TTLL11: variants seen among roughly 807,000 people sequenced by gnomAD.
The protein encoded by TTLL11 is tubulin polyglutamylase TTLL11.
In TTLL11, 42 loss-of-function variants were observed where a neutral mutation model predicts 51.7. That is an observed-to-expected ratio of 0.81 (90% CI 0.64 to 1.05). The LOEUF is 1.05. Ranked by LOEUF, TTLL11 falls within the 50% of genes least tolerant of loss-of-function variation. The probability of loss-of-function intolerance (pLI) is 0.00; values close to 1 mark genes in which losing one functional copy is unlikely to be tolerated. For missense variants in TTLL11, 799 were observed against 940.4 expected, an observed-to-expected ratio of 0.85 and a Z score of 1.97; for synonymous variants, 381 against 383.5, an observed-to-expected ratio of 0.99 and a Z score of 0.08.
At chr9:122,014,060 G>A (rs1488888174) in intron 3 of TTLL11, among the ~76,000 whole-genome samples, 3 of 152,194 alleles carry the variant, frequency 2.0e-5, no homozygotes, top group Non-Finnish European at 4.4e-5. Flanking sequence ...TCAGTGAAAA[G>A]GTAGAGTCCT....
rs540642323 is a variant in TTLL11 at position 121,949,758 on chromosome 9, C to T, written c.1481+24251G>A. On this transcript the variant is annotated intron_variant, in intron 6 of 8. Transcript: ENST00000321582. Reference sequence around the variant, plus strand: ...TTATGAGAAAGTTTTTGCAAATATTCATTAAAAAATCTGCCTTCTGCAAAA... The same window carrying T: ...TTATGAGAAAGTTTTTGCAAATATTTATTAAAAAATCTGCCTTCTGCAAAA... Among the ~76,000 whole-genome samples, 28 of 152,148 alleles carry T rather than the reference C, an allele frequency of 1.8e-4. No individual in the cohort carries two copies. In the South Asian group the frequency reaches 5.4e-3, roughly 29 times the overall value.
chr9:121,972,468 G>C (rs887090456), intron 6 of TTLL11, among the ~76,000 whole-genome samples: 1 of 152,320 alleles, frequency 6.6e-6, no homozygotes, highest in Non-Finnish European at 1.5e-5. Flanking sequence ...AGCACTGATC[G>C]GTGGAAGAAG....
At chr9:121,986,265 A>C (rs933105194) in intron 4 of TTLL11, among the ~76,000 whole-genome samples, 1 of 152,178 alleles carries the variant, frequency 6.6e-6, no homozygotes, top group Non-Finnish European at 1.5e-5. Context: ...ATAGCAAGAC[A>C]TGCAGCAAAA....
At chr9:122,019,868 G>A (rs1446788313) in intron 3 of TTLL11, among the ~76,000 whole-genome samples, 5 of 152,220 alleles carry the variant, frequency 3.3e-5, no homozygotes, top group Non-Finnish European at 5.9e-5. Flanking sequence ...TCTCATGGTA[G>A]TGAATAAGTC....
chr9:121,898,171 GC>G (rs748750392), intron 6 of TTLL11, among the ~76,000 whole-genome samples: 7 of 152,020 alleles, frequency 4.6e-5, no homozygotes, highest in Admixed American at 1.3e-4. Flanking sequence ...GCCTCAGCCT[GC>G]CAAAGTGCTG....
chr9:121,840,287 C>A (rs116478693), intron 8 of TTLL11, among the ~76,000 whole-genome samples: 1,870 of 152,322 alleles, frequency 0.012, 45 homozygotes, highest in African/African-American at 0.043. Context: ...CTTGGGACCA[C>A]CACGTATCCT....
Position 121,826,557 on chromosome 9 carries a change from G to GTGTGTATATATATATA in TTLL11, c.1841-3679_1841-3678insTATATATATATACACA, listed in dbSNP as rs1189626793. On this transcript the variant is annotated intron_variant, in intron 8 of 8. Transcript: ENST00000321582. ...TGTGTGTATATATATATATGTGTGTGTATATATATATATATATATATATAT... is the reference window on the plus strand; with the variant it reads ...TGTGTGTATATATATATATGTGTGTGTGTGTATATATATATATATATATATATATATATATATATAT... 8.8e-4 allele frequency among the ~76,000 whole-genome samples: 45 copies of GTGTGTATATATATATA among 51,342 alleles called. 2 individuals carry two copies. Among genetic ancestry groups the GTGTGTATATATATATA allele is most frequent in the African/African-American group, 2.8e-3 (40 of 14,198 alleles). 33.7% of individuals were successfully genotyped at this position (51,342 alleles called of 152,430 possible).
At chr9:121,923,333 C>T (rs1484083077) in intron 6 of TTLL11, among the ~76,000 whole-genome samples, 1 of 152,176 alleles carries the variant, frequency 6.6e-6, no homozygotes, top group East Asian at 1.9e-4. Context: ...ACTCGAATAG[C>T]TTGTACGTTA....
intron 6 of TTLL11, among the ~76,000 whole-genome samples, chr9:121,892,516 G>A (rs530946567): frequency 6.6e-6 from 1 of 152,232 alleles, no homozygotes; most frequent in South Asian, 2.1e-4. Flanking sequence ...CTGTATGGGG[G>A]AAACCGCCTC....
intron 6 of TTLL11, among the ~76,000 whole-genome samples, chr9:121,964,926 A>C (rs1842357446): frequency 6.6e-6 from 1 of 152,178 alleles, no homozygotes; most frequent in African/African-American, 2.4e-5. Context: ...TACTTAGCAC[A>C]TTCCACCTTA....
intron 8 of TTLL11, among the ~76,000 whole-genome samples, chr9:121,836,319 C>T (rs1182352107): frequency 6.6e-6 from 1 of 152,160 alleles, no homozygotes; most frequent in Admixed American, 6.5e-5. Context: ...ATTTCTGGTC[C>T]TGTCGCTGTG....
chr9:122,007,149 G>A (rs1404016491), intron 3 of TTLL11, among the ~76,000 whole-genome samples: 1 of 151,966 alleles, frequency 6.6e-6, no homozygotes, highest in Non-Finnish European at 1.5e-5. Flanking sequence ...TAGGGGAGAG[G>A]GCACTGGAAT....
intron 1 of TTLL11, among the ~76,000 whole-genome samples, chr9:122,061,445 G>A (rs1199248122): frequency 6.6e-6 from 1 of 152,086 alleles, no homozygotes; most frequent in African/African-American, 2.4e-5. Context: ...CATCCTTATT[G>A]TATCTCATTG....
At chr9:121,940,447 C>A (rs1841410897) in intron 6 of TTLL11, among the ~76,000 whole-genome samples, 1 of 152,016 alleles carries the variant, frequency 6.6e-6, no homozygotes, top group African/African-American at 2.4e-5. Flanking sequence ...AAGCGATTCT[C>A]CTGCCTCAGC....
At chr9:121,866,659 CAAA>C (rs10656322) in intron 7 of TTLL11, among the ~76,000 whole-genome samples, 2 of 129,206 alleles carry the variant, frequency 1.5e-5, no homozygotes, top group Admixed American at 8.0e-5. Context: ...GACTCCATCT[CAAA>C]AAAAAAAAAA....
At chr9:122,082,871 T>C (rs529624883) in intron 1 of TTLL11, among the ~76,000 whole-genome samples, 1 of 151,800 alleles carries the variant, frequency 6.6e-6, no homozygotes, top group Non-Finnish European at 1.5e-5. Context: ...TACAAAAAAA[T>C]ATAAAAAATT....
At chr9:122,009,813 A>G (rs1843749054) in intron 3 of TTLL11, among the ~76,000 whole-genome samples, 1 of 152,206 alleles carries the variant, frequency 6.6e-6, no homozygotes, top group Admixed American at 6.5e-5. Flanking sequence ...ATATGAATCC[A>G]TTCCATGATT....
rs571568872 is a variant in TTLL11, at chr9:121,901,104, A to C, written c.1482-30356T>G. ...ATTTCAACCTCTTTGTGGCTACTGT[A>C]AATGGGATTGTGCTCTTGATTTGAC... On this transcript the variant is annotated intron_variant, in intron 6 of 8. Transcript: ENST00000321582. 8.5e-4 allele frequency among the ~76,000 whole-genome samples: 129 copies of C among 152,328 alleles called. 1 individual carries two copies. The highest frequency in any genetic ancestry group is 3.0e-3 in the African/African-American group (125 of 41,572).
At chr9:121,973,040 A>G (rs983337418) in intron 6 of TTLL11, among the ~76,000 whole-genome samples, 1 of 152,174 alleles carries the variant, frequency 6.6e-6, no homozygotes, top group Non-Finnish European at 1.5e-5. Context: ...GATGCCTTTG[A>G]TTTTTCTTCC....
Sources: allele counts gnomAD v4.1 joint callset (sites outside exome capture counted in the v4.1 genomes callset), GRCh38; gene constraint gnomAD v4.1.1; transcripts MANE v1.5; gene names NCBI Gene and HGNC (gene_info 2026-07-23, HGNC 2026-07-21).